The following TTYH3 variants were observed in gnomAD, a reference collection of about 807,000 sequenced individuals.
TTYH3 encodes the protein protein tweety homolog 3.
Under a neutral mutation model 68.2 loss-of-function variants are expected in TTYH3, and 23 were observed. That is an observed-to-expected ratio of 0.34 (90% CI 0.24 to 0.48). TTYH3 has a LOEUF of 0.48. Ranked by LOEUF, TTYH3 falls within the 20% of genes least tolerant of loss-of-function variation. The pLI is 0.99. For synonymous variants in TTYH3, 360 were observed against 332.8 expected (o/e 1.08, Z -0.89); for missense variants, 768 against 727.7 (o/e 1.06, Z -0.64).
intron 11 of TTYH3, 36 bp from the exon 12 acceptor site, chr7:2,658,250 G>A: frequency 2.7e-6 from 4 of 1,491,750 alleles, no homozygotes; most frequent in East Asian, 4.8e-5. Flanking sequence ...CCTTCCTGCT[G>A]GGGCCTGAGC....
intron 7 of TTYH3, among the ~76,000 whole-genome samples, chr7:2,650,787 C>T (rs1786153606): frequency 6.6e-6 from 1 of 151,806 alleles, no homozygotes; most frequent in Non-Finnish European, 1.5e-5. Context: ...AAAGCTTCCT[C>T]AGGCCTCAAG....
At chr7:2,632,311 G>C in intron 1 of TTYH3, 33 bp downstream of exon 1, 1 of 1,529,652 alleles carries the variant, frequency 6.5e-7, no homozygotes, top group Non-Finnish European at 8.8e-7. Context: ...GCGGGGTCAG[G>C]GACCCCAGGT....
intron 1 of TTYH3, among the ~76,000 whole-genome samples, chr7:2,638,911 C>G (rs1191668654): frequency 6.6e-6 from 1 of 152,094 alleles, no homozygotes; most frequent in African/African-American, 2.4e-5. Flanking sequence ...AGTGGCGGGC[C>G]CCTGACATGG....
At chr7:2,648,163 C>A in intron 5 of TTYH3, 109 bp downstream of exon 5, 1 of 1,079,518 alleles carries the variant, frequency 9.3e-7, no homozygotes, top group Non-Finnish European at 1.3e-6. Flanking sequence ...ACAAGCTCTG[C>A]GGTGGGGGCT....
At chr7:2,652,110 G>T in intron 7 of TTYH3, 77 bp from the exon 8 acceptor site, 1 of 1,291,766 alleles carries the variant, frequency 7.7e-7, no homozygotes, top group Non-Finnish European at 1.1e-6. Flanking sequence ...AGATATGCGT[G>T]CAGACACAGG....
chr7:2,642,379 T>C (rs928331946), intron 1 of TTYH3, among the ~76,000 whole-genome samples: 1 of 151,520 alleles, frequency 6.6e-6, no homozygotes, highest in African/African-American at 2.4e-5. Context: ...CCGTCTCTAC[T>C]AAAAATACAA....
Position 2,636,760 on chromosome 7 carries a change from C to G in TTYH3, c.123+4482C>G, listed in dbSNP as rs138267812. ...GGGAGACTCCGATTGGCTGAGCTTGCCTTTTGGCCAGGGGGTGTGAAGCTG... is the reference window on the plus strand; with the variant it reads ...GGGAGACTCCGATTGGCTGAGCTTGGCTTTTGGCCAGGGGGTGTGAAGCTG... On this transcript the variant is annotated intron_variant, in intron 1 of 13. Transcript: ENST00000258796. Among the ~76,000 whole-genome samples, 264 of 151,686 alleles carry G rather than the reference C, an allele frequency of 1.7e-3. 1 individual carries two copies. Among genetic ancestry groups the G allele is most frequent in the African/African-American group, 6.0e-3 (246 of 41,272 alleles).
chr7:2,633,009 AG>A (rs1785562360), intron 1 of TTYH3, among the ~76,000 whole-genome samples: 1 of 152,120 alleles, frequency 6.6e-6, no homozygotes, highest in Non-Finnish European at 1.5e-5. Context: ...GGCTGAGCCC[AG>A]GCAGACCTGG....
At chr7:2,642,537 CAAA>C (rs34165282) in intron 1 of TTYH3, among the ~76,000 whole-genome samples, 1 of 57,540 alleles carries the variant, frequency 1.7e-5, no homozygotes, top group Non-Finnish European at 3.4e-5. Flanking sequence ...GACTCTGTCT[CAAA>C]AAAAAAAAAA....
Position 2,658,992 on chromosome 7 carries a change from G to T in TTYH3, c.1477G>T (p.Gly493Trp), listed in dbSNP as rs764105254. The T allele has an allele frequency of 6.2e-7, 1 of 1,614,084 alleles. No individual in the cohort carries two copies. ...NPRCENTPLI[G>W]RESPPPSYTS... is the part of the protein sequence containing the mutation. ...CCGCTGTGAGAACACCCCACTCATTGGGCGCGAGTCCCCGCCGCCCTCAGT... is the reference window on the plus strand; with the variant it reads ...CCGCTGTGAGAACACCCCACTCATTTGGCGCGAGTCCCCGCCGCCCTCAGT... Residue 493 changes from glycine to tryptophan, a missense_variant, in exon 13 of 14, where the codon GGG (glycine) becomes TGG (tryptophan). Transcript: ENST00000258796.
intron 7 of TTYH3, among the ~76,000 whole-genome samples, chr7:2,651,274 C>T (rs1786168385): frequency 6.6e-6 from 1 of 152,192 alleles, no homozygotes; most frequent in South Asian, 2.1e-4. Flanking sequence ...CCCTTTGTCC[C>T]TGGAGGCCAC....
At chr7:2,644,920 G>C (rs982866937) in intron 1 of TTYH3, among the ~76,000 whole-genome samples, 1 of 152,236 alleles carries the variant, frequency 6.6e-6, no homozygotes, top group African/African-American at 2.4e-5. Flanking sequence ...TGCCCACTGT[G>C]GCTGAGCCTC....
At chr7:2,658,514 C>T (rs769112161) in intron 12 of TTYH3, 55 bp downstream of exon 12, 231 of 1,553,220 alleles carry the variant, frequency 1.5e-4, no homozygotes, top group African/African-American at 1.9e-4. Context: ...CGGCTGAGAG[C>T]GCGGATCTGG....
At chr7:2,637,423 A>G (rs1042458422) in intron 1 of TTYH3, among the ~76,000 whole-genome samples, 8 of 152,150 alleles carry the variant, frequency 5.3e-5, no homozygotes, top group Non-Finnish European at 1.0e-4. Flanking sequence ...TGTCCCCGAC[A>G]TAAGCAGAAA....
intron 11 of TTYH3, 96 bp downstream of exon 11, chr7:2,656,630 C>T (rs1181481700): frequency 3.5e-6 from 5 of 1,445,184 alleles, no homozygotes; most frequent in Non-Finnish European, 4.6e-6. Flanking sequence ...ATGTGCCAGT[C>T]CCAGAGGTGA....
intron 6 of TTYH3, 70 bp downstream of exon 6, chr7:2,649,709 A>G: frequency 4.6e-6 from 7 of 1,534,660 alleles, no homozygotes; most frequent in Middle Eastern, 1.7e-4. Context: ...AGGGGAAGCC[A>G]CACTCCTCTC....
intron 6 of TTYH3, 52 bp downstream of exon 6, chr7:2,649,691 G>A (rs1786107696): frequency 6.4e-7 from 1 of 1,558,432 alleles, no homozygotes. Context: ...GGCACTGGGG[G>A]AGGGACGAGG....
At chr7:2,650,629 G>A (rs974762915) in intron 7 of TTYH3, among the ~76,000 whole-genome samples, 3 of 151,856 alleles carry the variant, frequency 2.0e-5, no homozygotes, top group Non-Finnish European at 2.9e-5. Context: ...TAAGAGCCCC[G>A]AGGCAGGAGG....
intron 10 of TTYH3, 50 bp from the exon 11 acceptor site, chr7:2,656,348 C>T (rs777456239): frequency 2.5e-6 from 4 of 1,591,684 alleles, no homozygotes; most frequent in Non-Finnish European, 1.7e-6. Context: ...CACGCTGCCC[C>T]CTCCACCCTC....
Sources: gnomAD v4.1 joint callset for allele counts (sites outside exome capture counted in the v4.1 genomes callset) on GRCh38, gnomAD v4.1.1 for gene constraint, MANE v1.5 for transcripts, NCBI Gene and HGNC (gene_info 2026-07-23, HGNC 2026-07-21) for gene names.